GON4L: variants seen among roughly 807,000 people sequenced by gnomAD.
The protein encoded by GON4L is gon-4 like, also known as GON-4-like protein.
Under a neutral mutation model 211.8 loss-of-function variants are expected in GON4L, and 87 were observed. The observed-to-expected ratio is 0.41, with a 90% confidence interval of 0.35 to 0.49. GON4L has a LOEUF of 0.49. Ranked by LOEUF, GON4L falls within the 20% of genes least tolerant of loss-of-function variation. The probability of loss-of-function intolerance (pLI) is 0.15; values close to 1 mark genes in which losing one functional copy is unlikely to be tolerated. For synonymous variants in GON4L, 875 were observed against 962.6 expected (o/e 0.91, Z 1.68); for missense variants, 2,155 against 2,659.5 (o/e 0.81, Z 4.17).
At chr1:155,759,175 AT>A (rs569609375) in intron 24 of GON4L, among the ~76,000 whole-genome samples, 25 of 151,564 alleles carry the variant, frequency 1.6e-4, no homozygotes, top group African/African-American at 5.3e-4. Flanking sequence ...TAATTTTTTT[AT>A]TTTATGTAAA....
chr1:155,855,753 C>A (rs898839149), intron 1 of GON4L, among the ~76,000 whole-genome samples: 1 of 152,138 alleles, frequency 6.6e-6, no homozygotes, highest in African/African-American at 2.4e-5. Flanking sequence ...GAGGCCAAGG[C>A]GGGCGGATAA....
chr1:155,817,389 C>T (rs1386527782), intron 6 of GON4L, among the ~76,000 whole-genome samples: 2 of 152,152 alleles, frequency 1.3e-5, no homozygotes, highest in African/African-American at 4.8e-5. Context: ...ACCAAAAGCA[C>T]CTTATGAACA....
At chr1:155,783,151 T>C (rs1374823984) in intron 14 of GON4L, among the ~76,000 whole-genome samples, 1 of 152,202 alleles carries the variant, frequency 6.6e-6, no homozygotes, top group East Asian at 1.9e-4. Context: ...TTGATGTAGT[T>C]GTATTGTGAT....
chr1:155,770,918 C>A (rs1663127811), intron 19 of GON4L, 149 bp downstream of exon 19: 2 of 1,137,016 alleles, frequency 1.8e-6, no homozygotes, highest in Admixed American at 4.0e-5. Context: ...GAATATTGCC[C>A]AAAAGGCAAT....
chr1:155,821,038 G>A (rs1250975714), intron 5 of GON4L, among the ~76,000 whole-genome samples: 1 of 152,018 alleles, frequency 6.6e-6, no homozygotes, highest in Non-Finnish European at 1.5e-5. Context: ...AGGCCGAGGC[G>A]GGCGGATCAC....
At chr1:155,841,057 A>G (rs1228434500) in intron 2 of GON4L, among the ~76,000 whole-genome samples, 1 of 152,218 alleles carries the variant, frequency 6.6e-6, no homozygotes, top group East Asian at 1.9e-4. Flanking sequence ...AAACTGCTTT[A>G]ATGAGACACA....
At chr1:155,845,361 C>T in intron 2 of GON4L, 1 of 222,458 alleles carries the variant, frequency 4.5e-6, no homozygotes, top group Non-Finnish European at 9.2e-6. Context: ...GCCTGGTGGC[C>T]AGAGTGTATC....
chr1:155,827,741 G>A (rs1210626341), intron 2 of GON4L, among the ~76,000 whole-genome samples: 1 of 151,680 alleles, frequency 6.6e-6, no homozygotes, highest in South Asian at 2.1e-4. Context: ...GGTGGCTCAT[G>A]ACTATCATCC....
intron 10 of GON4L, among the ~76,000 whole-genome samples, chr1:155,807,718 A>AAAAAAAAAAAAAAAAAAAAAC (rs1667280295): frequency 6.7e-6 from 1 of 150,230 alleles, no homozygotes; most frequent in Non-Finnish European, 1.5e-5. Flanking sequence ...AAAAAAAAAA[A>AAAAAAAAAAAAAAAAAAAAAC]AAAAAAAGAA....
intron 2 of GON4L, among the ~76,000 whole-genome samples, chr1:155,839,468 G>T (rs933020660): frequency 2.6e-5 from 4 of 152,116 alleles, no homozygotes; most frequent in Non-Finnish European, 4.4e-5. Flanking sequence ...GGCCAAGATG[G>T]TGAAACCTTG....
At chr1:155,764,373 C>T (rs1335747471) in intron 21 of GON4L, 3 of 165,972 alleles carry the variant, frequency 1.8e-5, no homozygotes, top group Admixed American at 1.2e-4. Flanking sequence ...CCGCCTTGGC[C>T]TCCCAAAGTG....
chr1:155,799,040 G>A (rs1347491228), intron 11 of GON4L, among the ~76,000 whole-genome samples: 17 of 152,088 alleles, frequency 1.1e-4, no homozygotes, highest in Admixed American at 1.1e-3. Context: ...TACCCCTCCT[G>A]TATTGTCTTT....
intron 11 of GON4L, among the ~76,000 whole-genome samples, chr1:155,796,318 C>A (rs1300773027): frequency 2.0e-5 from 3 of 150,452 alleles, no homozygotes; most frequent in Non-Finnish European, 3.0e-5. Flanking sequence ...CACTTTGTCA[C>A]CCAGGTTGGA....
chr1:155,782,121 C>T (rs1246836789), intron 14 of GON4L, among the ~76,000 whole-genome samples: 1 of 151,842 alleles, frequency 6.6e-6, no homozygotes, highest in Non-Finnish European at 1.5e-5. Context: ...ACTCACTTTC[C>T]CAGGGTTTTT....
chr1:155,858,354 A>T (rs1672436489), upstream of GON4L, among the ~76,000 whole-genome samples: 1 of 152,234 alleles, frequency 6.6e-6, no homozygotes, highest in Non-Finnish European at 1.5e-5. Context: ...TATACATTTG[A>T]ACTAATCCTA....
At chr1:155,836,252 T>A (rs1351520401) in intron 2 of GON4L, among the ~76,000 whole-genome samples, 1 of 2,842 alleles carries the variant, frequency 3.5e-4, no homozygotes, top group African/African-American at 3.8e-4. Flanking sequence ...TGTTTTCGTT[T>A]TTTTTTTTTT....
At chr1:155,856,532 G>A (rs1672300023) in intron 1 of GON4L, among the ~76,000 whole-genome samples, 2 of 151,908 alleles carry the variant, frequency 1.3e-5, no homozygotes, top group South Asian at 2.1e-4. Context: ...CACCGCGCCC[G>A]ACCTACAGTT....
intron 1 of GON4L, among the ~76,000 whole-genome samples, chr1:155,854,434 C>T (rs1027498406): frequency 5.9e-5 from 9 of 152,122 alleles, no homozygotes; most frequent in African/African-American, 1.2e-4. Context: ...GGATTACAGG[C>T]GTGAGCCACC....
chr1:155,748,025 G>A (rs557310290), downstream of GON4L: 23 of 1,608,004 alleles, frequency 1.4e-5, no homozygotes, highest in East Asian at 8.9e-5. Context: ...TTTTGGTCTC[G>A]TGCACCTGAC....
Sources: allele counts gnomAD v4.1 joint callset (sites outside exome capture counted in the v4.1 genomes callset), GRCh38; gene constraint gnomAD v4.1.1; transcripts MANE v1.5; gene names NCBI Gene and HGNC (gene_info 2026-07-23, HGNC 2026-07-21).